The following CDH8 variants were observed in gnomAD, a reference collection of about 807,000 sequenced individuals.
CDH8 encodes the protein cadherin-8.
CDH8 carries 17 observed loss-of-function variants against 68.1 expected under a neutral mutation model. The ratio of observed to expected loss-of-function variants is 0.25; its 90% CI spans 0.17 to 0.37. The LOEUF (loss-of-function observed/expected upper bound fraction) is 0.37, where lower values mean the gene tolerates loss of function less well. Ranked by LOEUF, CDH8 falls within the 10% of genes least tolerant of loss-of-function variation. CDH8 has a pLI of 1.00. For missense variants in CDH8, 763 were observed against 999.3 expected (o/e 0.76, Z 3.19); for synonymous variants, 372 against 365.1 (o/e 1.02, Z -0.21).
intron 3 of CDH8, among the ~76,000 whole-genome samples, chr16:61,875,851 A>G (rs1953700713): frequency 6.6e-6 from 1 of 152,092 alleles, no homozygotes; most frequent in Non-Finnish European, 1.5e-5. Flanking sequence ...TATTGTGACC[A>G]AAATAGTTAG....
chr16:61,846,363 A>T (rs1962806190), intron 4 of CDH8, among the ~76,000 whole-genome samples: 2 of 152,104 alleles, frequency 1.3e-5, no homozygotes, highest in South Asian at 4.1e-4. Context: ...CCAGTTCTTT[A>T]ACCTCCATCA....
intron 2 of CDH8, among the ~76,000 whole-genome samples, chr16:62,020,500 A>ACG (rs1902047144): frequency 5.0e-5 from 1 of 19,906 alleles, no homozygotes; most frequent in Admixed American, 6.1e-4. Context: ...GCGCGCGCGC[A>ACG]CACACACACA....
chr16:62,001,086 G>A (rs1055103151), intron 2 of CDH8, among the ~76,000 whole-genome samples: 7 of 152,056 alleles, frequency 4.6e-5, no homozygotes, highest in African/African-American at 1.7e-4. Flanking sequence ...ACTCATTCAC[G>A]TAGATAATGA....
chr16:61,788,102 A>C (rs1242520017), intron 8 of CDH8, among the ~76,000 whole-genome samples: 1 of 151,150 alleles, frequency 6.6e-6, no homozygotes, highest in Non-Finnish European at 1.5e-5. Context: ...AAAAAAAAAA[A>C]GAAACAAACA....
Position 61,751,382 on chromosome 16 carries a change from T to TAAAAAAA in CDH8, c.1415-24174_1415-24168dup, listed in dbSNP as rs71134375. 5.7e-4 allele frequency among the ~76,000 whole-genome samples: 31 copies of TAAAAAAA among 54,148 alleles called. 4 individuals are homozygous for TAAAAAAA. Among genetic ancestry groups the TAAAAAAA allele is most frequent in the East Asian group, 2.7e-3 (3 of 1,102 alleles). 35.5% of individuals were successfully genotyped at this position (54,148 alleles called of 152,430 possible). ...CACAAATGTCCTTCCATATTCTCCT[T>TAAAAAAA]AAAAAAAAAAAAAAAAAAAAAAAAA... On this transcript the variant is annotated intron_variant, in intron 8 of 11. Transcript: ENST00000577390.
chr16:61,776,089 C>T (rs1960892854), intron 8 of CDH8, among the ~76,000 whole-genome samples: 1 of 151,998 alleles, frequency 6.6e-6, no homozygotes, highest in Non-Finnish European at 1.5e-5. Context: ...CACCAGGTTT[C>T]ATCTGGAAGA....
intron 2 of CDH8, among the ~76,000 whole-genome samples, chr16:61,969,686 G>A (rs992028377): frequency 4.6e-5 from 7 of 152,226 alleles, no homozygotes; most frequent in African/African-American, 1.4e-4. Context: ...GGAATAAGAT[G>A]TGTATAGTCT....
At chr16:61,927,152 C>T (rs748531514) in intron 2 of CDH8, among the ~76,000 whole-genome samples, 3 of 152,072 alleles carry the variant, frequency 2.0e-5, no homozygotes, top group Non-Finnish European at 2.9e-5. Flanking sequence ...CCCAGCTTTG[C>T]GATTTAAATA....
chr16:61,784,563 A>T (rs979536688), intron 8 of CDH8, among the ~76,000 whole-genome samples: 1 of 140,818 alleles, frequency 7.1e-6, no homozygotes, highest in Admixed American at 7.2e-5. Flanking sequence ...CCAGGAATTG[A>T]ACTCAGCTCT....
At chr16:61,876,970 G>A (rs1173321904) in intron 3 of CDH8, among the ~76,000 whole-genome samples, 1 of 152,072 alleles carries the variant, frequency 6.6e-6, no homozygotes, top group Non-Finnish European at 1.5e-5. Context: ...CCATCATGGA[G>A]AACCAATTGG....
At chr16:61,809,732 C>T (rs917653785) in intron 7 of CDH8, among the ~76,000 whole-genome samples, 27 of 152,308 alleles carry the variant, frequency 1.8e-4, no homozygotes, top group African/African-American at 6.5e-4. Flanking sequence ...AACCTGACTG[C>T]CCTCTTTTAA....
At chr16:61,777,356 T>C (rs2142991468) in intron 8 of CDH8, among the ~76,000 whole-genome samples, 1 of 152,310 alleles carries the variant, frequency 6.6e-6, no homozygotes, top group East Asian at 1.9e-4. Flanking sequence ...AGCATTCATG[T>C]TTTCTGCTTA....
intron 2 of CDH8, among the ~76,000 whole-genome samples, chr16:61,935,002 A>G (rs1231748607): frequency 3.3e-5 from 5 of 152,284 alleles, no homozygotes; most frequent in African/African-American, 1.2e-4. Flanking sequence ...AAATTTTAAC[A>G]CTAATATTAA....
intron 4 of CDH8, among the ~76,000 whole-genome samples, chr16:61,856,276 C>CA (rs1017631590): frequency 1.3e-4 from 20 of 151,624 alleles, no homozygotes; most frequent in South Asian, 1.0e-3. Flanking sequence ...AGAAAATATA[C>CA]AAAAAAAATT....
At chr16:61,887,998 A>G (rs1254500557) in intron 3 of CDH8, among the ~76,000 whole-genome samples, 6 of 152,130 alleles carry the variant, frequency 3.9e-5, no homozygotes, top group Non-Finnish European at 7.3e-5. Context: ...TCCCTTCTCT[A>G]TATTGCCCTA....
intron 9 of CDH8, chr16:61,725,612 C>G (rs1959335814): frequency 1.3e-5 from 2 of 150,758 alleles, no homozygotes; most frequent in South Asian, 4.1e-4. Flanking sequence ...CTCTCTCTGA[C>G]AACTCAATCT....
intron 8 of CDH8, among the ~76,000 whole-genome samples, chr16:61,756,119 C>A (rs546226430): frequency 1.3e-5 from 2 of 152,236 alleles, no homozygotes; most frequent in African/African-American, 2.4e-5. Flanking sequence ...CTGCAACCAA[C>A]CTTAATAGAG....
chr16:61,912,927 A>C (rs1459711853), intron 2 of CDH8, among the ~76,000 whole-genome samples: 1 of 152,170 alleles, frequency 6.6e-6, no homozygotes, highest in African/African-American at 2.4e-5. Context: ...AAATATTTTT[A>C]AAAAGAAAAC....
At chr16:61,698,609 T>A (rs1964369417) in intron 10 of CDH8, among the ~76,000 whole-genome samples, 1 of 152,306 alleles carries the variant, frequency 6.6e-6, no homozygotes, top group African/African-American at 2.4e-5. Flanking sequence ...CTCATTGCAA[T>A]ATGAGTGTCC....
Sources: allele counts gnomAD v4.1 joint callset (sites outside exome capture counted in the v4.1 genomes callset), GRCh38; gene constraint gnomAD v4.1.1; transcripts MANE v1.5; gene names NCBI Gene and HGNC (gene_info 2026-07-23, HGNC 2026-07-21).